Variants in PLXDC2 observed in about 807,000 individuals in gnomAD.
PLXDC2 encodes the protein plexin domain containing 2.
In PLXDC2, 40 loss-of-function variants were observed where a neutral mutation model predicts 68.9. The ratio of observed to expected loss-of-function variants is 0.58; its 90% CI spans 0.45 to 0.76. The LOEUF (loss-of-function observed/expected upper bound fraction) is 0.76. PLXDC2 is among the 30% of genes least tolerant of loss of function. The probability of loss-of-function intolerance (pLI) is 0.00; values close to 1 mark genes in which losing one functional copy is unlikely to be tolerated. For missense variants in PLXDC2, 644 were observed against 661.9 expected, an observed-to-expected ratio of 0.97 and a Z score of 0.30; for synonymous variants, 243 against 234.2, an observed-to-expected ratio of 1.04 and a Z score of -0.34.
chr10:19,975,228 G>A lies in PLXDC2; in HGVS notation c.113-26547G>A, dbSNP rs1276235861. Among the ~76,000 whole-genome samples, 5 of 152,270 alleles carry A rather than the reference G, an allele frequency of 3.3e-5. No individual in the cohort carries two copies. In the East Asian group the frequency reaches 9.7e-4, roughly 29 times the overall value. ...CCAGCACTTTGGGAGGCTGAGGCGG[G>A]CGGATCACGAGGTCAGGAGATTGAG... On this transcript the variant is annotated intron_variant, in intron 1 of 13. Transcript: ENST00000377252.
chr10:19,910,874 G>T (rs893010238), intron 1 of PLXDC2, among the ~76,000 whole-genome samples: 1 of 152,008 alleles, frequency 6.6e-6, no homozygotes, highest in African/African-American at 2.4e-5. Context: ...GCCTGGTGTG[G>T]TGGCAGGTGC....
intron 1 of PLXDC2, among the ~76,000 whole-genome samples, chr10:19,936,725 T>A (rs2148299): frequency 2.6e-5 from 4 of 152,010 alleles, no homozygotes; most frequent in Non-Finnish European, 5.9e-5. Flanking sequence ...AAGGAAATTG[T>A]CAAATGTCAC....
intron 1 of PLXDC2, among the ~76,000 whole-genome samples, chr10:19,831,714 A>G (rs992605804): frequency 4.6e-5 from 7 of 152,274 alleles, no homozygotes; most frequent in South Asian, 2.1e-4. Context: ...TTACTTTGCT[A>G]AGGATAATGT....
chr10:19,879,057 G>T (rs1300916304), intron 1 of PLXDC2, among the ~76,000 whole-genome samples: 4 of 152,154 alleles, frequency 2.6e-5, no homozygotes, highest in Non-Finnish European at 5.9e-5. Context: ...AAGTGGTCTT[G>T]TCTCTGCCTG....
At chr10:20,015,722 T>C (rs982839423) in intron 2 of PLXDC2, among the ~76,000 whole-genome samples, 1 of 151,976 alleles carries the variant, frequency 6.6e-6, no homozygotes. Flanking sequence ...TATGAAAAGA[T>C]AGAGAGAGGA....
chr10:19,883,884 C>CTTTTTTTTTTTTTT (rs397846779), intron 1 of PLXDC2, among the ~76,000 whole-genome samples: 1,928 of 55,070 alleles, frequency 0.035, 544 homozygotes, highest in East Asian at 0.11. Context: ...TCCCTTTAAA[C>CTTTTTTTTTTTTTT]TTTTTTTTTT....
chr10:20,123,929 G>C (rs1313310172), intron 4 of PLXDC2, among the ~76,000 whole-genome samples: 2 of 151,922 alleles, frequency 1.3e-5, no homozygotes, highest in African/African-American at 4.8e-5. Context: ...AGATATAAGG[G>C]GTTGGGGTAA....
In PLXDC2 at chr10:20,128,517, G is replaced by A. The variant is rs772394550; in HGVS notation, c.542-14778G>A. Reference sequence around the variant, plus strand: ...AGTTACTTTTTTTTGGTAAGAACACGTAAGATCTATTCTTTTAGCAAATTT... The same window carrying A: ...AGTTACTTTTTTTTGGTAAGAACACATAAGATCTATTCTTTTAGCAAATTT... On this transcript the variant is annotated intron_variant, in intron 4 of 13. Transcript: ENST00000377252. Among the ~76,000 whole-genome samples, 7 of 152,124 alleles carry A rather than the reference G, an allele frequency of 4.6e-5. No homozygotes were observed. In the East Asian group the frequency reaches 7.7e-4, roughly 17 times the overall value.
intron 4 of PLXDC2, among the ~76,000 whole-genome samples, chr10:20,100,347 G>A (rs956699054): frequency 2.0e-5 from 3 of 152,118 alleles, no homozygotes; most frequent in Non-Finnish European, 4.4e-5. Context: ...TTCGTTTTGT[G>A]TGTTTGTGTG....
At chr10:19,984,817 A>G (rs1035744873) in intron 1 of PLXDC2, among the ~76,000 whole-genome samples, 1 of 152,148 alleles carries the variant, frequency 6.6e-6, no homozygotes, top group Non-Finnish European at 1.5e-5. Flanking sequence ...CTTCAGGAAC[A>G]CCATGTGATT....
chr10:20,214,120 T>C (rs535173311), intron 10 of PLXDC2, among the ~76,000 whole-genome samples: 2 of 152,310 alleles, frequency 1.3e-5, no homozygotes, highest in South Asian at 4.1e-4. Flanking sequence ...CCAAGTATTT[T>C]ATAGTTTCAT....
intron 12 of PLXDC2, among the ~76,000 whole-genome samples, chr10:20,221,409 T>C (rs2131867629): frequency 6.6e-6 from 1 of 152,334 alleles, no homozygotes; most frequent in Middle Eastern, 3.4e-3. Flanking sequence ...TTTACATAAT[T>C]GATATGCAGC....
At chr10:20,003,573 C>G (rs1313553810) in intron 2 of PLXDC2, among the ~76,000 whole-genome samples, 1 of 152,120 alleles carries the variant, frequency 6.6e-6, no homozygotes, top group African/African-American at 2.4e-5. Flanking sequence ...GCTGGGATTA[C>G]AGGTGTGCAC....
intron 12 of PLXDC2, among the ~76,000 whole-genome samples, chr10:20,237,810 T>TC (rs753637512): frequency 6.6e-6 from 1 of 152,168 alleles, no homozygotes; most frequent in Non-Finnish European, 1.5e-5. Flanking sequence ...GCCTCTCAGT[T>TC]CCCCAAAGGA....
chr10:20,142,168 A>C (rs1183466663), intron 4 of PLXDC2, among the ~76,000 whole-genome samples: 1 of 152,154 alleles, frequency 6.6e-6, no homozygotes, highest in Non-Finnish European at 1.5e-5. Flanking sequence ...TATTCAGACC[A>C]TAAAATGAGT....
chr10:19,985,592 TTC>T (rs991656075), intron 1 of PLXDC2, among the ~76,000 whole-genome samples: 6 of 152,234 alleles, frequency 3.9e-5, no homozygotes, highest in Non-Finnish European at 8.8e-5. Context: ...CTTACTTTTC[TTC>T]TCTGAGTCCA....
chr10:20,052,920 G>C (rs1835930500), intron 3 of PLXDC2, among the ~76,000 whole-genome samples: 1 of 151,912 alleles, frequency 6.6e-6, no homozygotes, highest in African/African-American at 2.4e-5. Flanking sequence ...GGCTACAAGA[G>C]ATGTTTTACC....
chr10:20,014,218 TTCCC>T (rs1835164699), intron 2 of PLXDC2, among the ~76,000 whole-genome samples: 3 of 141,238 alleles, frequency 2.1e-5, no homozygotes, highest in Admixed American at 1.4e-4. Flanking sequence ...CCTTCCTTCC[TTCCC>T]TCCTTCCTTC....
intron 12 of PLXDC2, among the ~76,000 whole-genome samples, chr10:20,241,104 T>C (rs1228498429): frequency 1.3e-5 from 2 of 149,906 alleles, no homozygotes; most frequent in Non-Finnish European, 3.0e-5. Flanking sequence ...GGCCATGGTG[T>C]CTTGACATCT....
Sources: allele counts gnomAD v4.1 joint callset (sites outside exome capture counted in the v4.1 genomes callset), GRCh38; gene constraint gnomAD v4.1.1; transcripts MANE v1.5; gene names NCBI Gene and HGNC (gene_info 2026-07-23, HGNC 2026-07-21).